RBFOX1: variants seen among roughly 807,000 people sequenced by gnomAD.
RBFOX1 encodes the protein RNA binding fox-1 homolog 1, also known as RNA binding protein fox-1 homolog 1.
A neutral mutation model predicts 57.7 loss-of-function variants in RBFOX1; 8 were observed. The ratio of observed to expected loss-of-function variants is 0.14; its 90% CI spans 0.08 to 0.25. The LOEUF is 0.25. Ranked by LOEUF, RBFOX1 falls within the 10% of genes least tolerant of loss-of-function variation. The pLI is 1.00. For synonymous variants in RBFOX1, 326 were observed against 222.4 expected, an observed-to-expected ratio of 1.47 and a Z score of -4.15; for missense variants, 611 against 548.5, an observed-to-expected ratio of 1.11 and a Z score of -1.14.
At chr16:7,698,897 G>C (rs1316815583) in intron 14 of RBFOX1, among the ~76,000 whole-genome samples, 2 of 152,156 alleles carry the variant, frequency 1.3e-5, no homozygotes, top group Non-Finnish European at 2.9e-5. Context: ...ATCAATTTGT[G>C]AAAATTAAAG....
At chr16:5,977,708 A>G (rs762459187) in intron 4 of RBFOX1, among the ~76,000 whole-genome samples, 1 of 152,222 alleles carries the variant, frequency 6.6e-6, no homozygotes, top group African/African-American at 2.4e-5. Flanking sequence ...CTGCAAGAAA[A>G]GTTAGAAGAG....
At chr16:6,520,879 C>T (rs565765976) in intron 2 of RBFOX1, among the ~76,000 whole-genome samples, 128 of 151,822 alleles carry the variant, frequency 8.4e-4, no homozygotes, top group African/African-American at 2.7e-3. Flanking sequence ...AGTAGGCAGA[C>T]GTTGCTGAGA....
chr16:5,428,417 C>T (rs1464141930), intron 1 of RBFOX1, among the ~76,000 whole-genome samples: 1 of 152,102 alleles, frequency 6.6e-6, no homozygotes, highest in East Asian at 1.9e-4. Context: ...GCCGAGTGGA[C>T]ACTAAGTGCC....
At chr16:7,517,060 G>T (rs949748800) in intron 4 of RBFOX1, among the ~76,000 whole-genome samples, 4 of 151,194 alleles carry the variant, frequency 2.6e-5, no homozygotes, top group East Asian at 3.9e-4. Context: ...TTTTTTCCTC[G>T]CTCTGTCTTT....
chr16:6,502,134 G>A (rs2095952454), intron 2 of RBFOX1, among the ~76,000 whole-genome samples: 1 of 152,118 alleles, frequency 6.6e-6, no homozygotes. Context: ...TTCCTTCAGT[G>A]TCCCTTCAGG....
intron 2 of RBFOX1, among the ~76,000 whole-genome samples, chr16:6,618,432 G>A (rs2098175266): frequency 6.6e-6 from 1 of 152,186 alleles, no homozygotes; most frequent in Non-Finnish European, 1.5e-5. Flanking sequence ...AACACAGGAA[G>A]ACTAGTGTGT....
intron 3 of RBFOX1, among the ~76,000 whole-genome samples, chr16:7,037,812 C>T (rs2044970226): frequency 2.0e-5 from 3 of 152,168 alleles, no homozygotes; most frequent in African/African-American, 7.2e-5. Flanking sequence ...TGAACCACTG[C>T]ATTTTAGATG....
chr16:7,441,087 C>G (rs553080772), intron 4 of RBFOX1, among the ~76,000 whole-genome samples: 44 of 152,090 alleles, frequency 2.9e-4, no homozygotes, highest in Non-Finnish European at 6.0e-4. Flanking sequence ...CTAAGATATC[C>G]TCTTTAAAGA....
Position 6,062,699 on chromosome 16 carries a change from A to G in RBFOX1, c.-127+42707A>G, listed in dbSNP as rs988023466. 3.3e-5 allele frequency among the ~76,000 whole-genome samples: 5 copies of G among 151,242 alleles called. No homozygotes were observed. The South Asian group carries it at 6.3e-4, about 19-fold the overall frequency. On this transcript the variant is annotated intron_variant, in intron 1 of 15. Coordinates refer to ENST00000550418, the MANE Select transcript of RBFOX1 (RefSeq NM_018723.4). Reference sequence around the variant, plus strand: ...TATCTATATATGTATATATGTATCTATGCATATATAGTTACATTTATATCA... The same window carrying G: ...TATCTATATATGTATATATGTATCTGTGCATATATAGTTACATTTATATCA...
chr16:6,419,036 C>T (rs950410894), intron 2 of RBFOX1, among the ~76,000 whole-genome samples: 8 of 152,346 alleles, frequency 5.3e-5, no homozygotes, highest in African/African-American at 7.2e-5. Context: ...GTGGCCGTTT[C>T]TCCCAGTCTT....
chr16:5,475,419 T>C (rs2069286937), intron 2 of RBFOX1, among the ~76,000 whole-genome samples: 1 of 152,228 alleles, frequency 6.6e-6, no homozygotes, highest in Admixed American at 6.5e-5. Flanking sequence ...ATGACAGCTT[T>C]AAACTGTGTC....
intron 4 of RBFOX1, among the ~76,000 whole-genome samples, chr16:7,266,271 G>C (rs1407910092): frequency 3.9e-5 from 6 of 151,922 alleles, no homozygotes; most frequent in Admixed American, 3.3e-4. Context: ...CACCGTGCCC[G>C]GCCGGTAGAG....
chr16:6,171,454 A>G (rs1189009582), intron 1 of RBFOX1, among the ~76,000 whole-genome samples: 1 of 152,210 alleles, frequency 6.6e-6, no homozygotes, highest in Non-Finnish European at 1.5e-5. Flanking sequence ...ACTAGAGCTC[A>G]ACAGTGCCAC....
At chr16:6,960,431 G>C (rs905535183) in intron 3 of RBFOX1, among the ~76,000 whole-genome samples, 2 of 152,098 alleles carry the variant, frequency 1.3e-5, no homozygotes, top group African/African-American at 2.4e-5. Context: ...CCTGTACCCG[G>C]TTACAGGAAT....
intron 3 of RBFOX1, among the ~76,000 whole-genome samples, chr16:6,831,711 C>T (rs762957478): frequency 3.6e-4 from 55 of 152,182 alleles, no homozygotes; most frequent in Non-Finnish European, 2.4e-4. Context: ...TTTGCCCCTT[C>T]CTCCATCTCT....
At chr16:5,361,797 C>T (rs554442843) in intron 1 of RBFOX1, among the ~76,000 whole-genome samples, 2 of 152,332 alleles carry the variant, frequency 1.3e-5, no homozygotes, top group South Asian at 4.1e-4. Flanking sequence ...GCCTGGTTTT[C>T]ACACACAGCA....
intron 4 of RBFOX1, among the ~76,000 whole-genome samples, chr16:5,923,530 CTTTT>C (rs71404564): frequency 1.8e-5 from 2 of 109,376 alleles, no homozygotes; most frequent in African/African-American, 3.5e-5. Flanking sequence ...CAGAGCCAGG[CTTTT>C]TTTTTTTTTT....
chr16:5,952,301 C>T (rs1029184704), intron 4 of RBFOX1, among the ~76,000 whole-genome samples: 1 of 152,006 alleles, frequency 6.6e-6, no homozygotes, highest in Non-Finnish European at 1.5e-5. Context: ...CAGGCGTGCG[C>T]CACCACACCT....
chr16:5,734,768 A>G (rs2151572218), intron 3 of RBFOX1, among the ~76,000 whole-genome samples: 1 of 152,288 alleles, frequency 6.6e-6, no homozygotes, highest in East Asian at 1.9e-4. Flanking sequence ...GCTATAGGGA[A>G]TAGCATATCC....
Sources: gnomAD v4.1 joint callset for allele counts (sites outside exome capture counted in the v4.1 genomes callset) on GRCh38, gnomAD v4.1.1 for gene constraint, MANE v1.5 for transcripts, NCBI Gene and HGNC (gene_info 2026-07-23, HGNC 2026-07-21) for gene names.